ALPL: variants seen among roughly 807,000 people sequenced by gnomAD.
ALPL encodes the protein alkaline phosphatase, biomineralization associated, also known as alkaline phosphatase, tissue-nonspecific isozyme.
A neutral mutation model predicts 51.3 loss-of-function variants in ALPL; 42 were observed. The observed-to-expected ratio is 0.82, with a 90% CI of 0.64 to 1.06. ALPL has a LOEUF of 1.06. ALPL is among the 50% of genes least tolerant of loss of function. The probability of loss-of-function intolerance (pLI) is 0.00; values close to 1 mark genes in which losing one functional copy is unlikely to be tolerated. For missense variants in ALPL, 589 were observed against 709.4 expected, an observed-to-expected ratio of 0.83 and a Z score of 1.93; for synonymous variants, 279 against 296.4, an observed-to-expected ratio of 0.94 and a Z score of 0.60.
At position 21,564,238 on chromosome 1, in the gene ALPL, G is replaced by A. The variant is rs1644531576; in HGVS notation, c.648+22G>A. On this transcript the variant is annotated intron_variant, in intron 6 of 11. Transcript: ENST00000374840. The surrounding 1 kb of genome is among the most constrained non-coding windows in gnomAD (Gnocchi z 5.8). ...TGACGTGAGTGCTCGGGGGCAGCCG[G>A]GCAGGGACGGGGTGAGGCGGGGCCT... is the stretch of plus-strand genomic sequence containing the variant. 2.5e-6 allele frequency: 4 copies of A among 1,612,218 alleles called. No individual in the cohort carries two copies. Among genetic ancestry groups the A allele is most frequent in the Middle Eastern group, 3.3e-4 (2 of 6,072 alleles).
At chr1:21,558,268 G>T (rs997661245) in intron 2 of ALPL, among the ~76,000 whole-genome samples, 23 of 152,204 alleles carry the variant, frequency 1.5e-4, no homozygotes, top group African/African-American at 5.5e-4. Context: ...AACAGGTGTG[G>T]GGCGGGCTGA....
Position 21,570,239 on chromosome 1 carries a change from T to C in ALPL, c.793-66T>C, listed in dbSNP as rs1644626198. Reference sequence around the variant, plus strand: ...AGTAAAGGCCTCAGACTCTGATAGCTGCTGGGGTCAGTCCTTCCGACTCTC... The same window carrying C: ...AGTAAAGGCCTCAGACTCTGATAGCCGCTGGGGTCAGTCCTTCCGACTCTC... On this transcript the variant is annotated intron_variant, in intron 7 of 11. Transcript: ENST00000374840. The C allele has an allele frequency of 2.0e-6, 3 of 1,504,592 alleles. No homozygotes were observed. The Admixed American group carries it at 5.2e-5, about 26-fold the overall frequency. 93.2% of individuals were successfully genotyped at this position (1,504,592 alleles called of 1,614,324 possible). A position where few individuals can be genotyped will look rare whatever the true frequency, so the allele number is the denominator to read the frequency against.
chr1:21,571,134 A>G (rs1373809090), intron 8 of ALPL, among the ~76,000 whole-genome samples: 1 of 152,138 alleles, frequency 6.6e-6, no homozygotes, highest in Non-Finnish European at 1.5e-5. Context: ...GGTTTTGCTC[A>G]TGGATCTTAG....
rs1644649285 is a variant in ALPL, at chr1:21,571,613, A to C, written c.862+1239A>C. The stretch of plus-strand genomic sequence containing the variant: ...TATGAACCCGGGAGGCGGAGGTTAC[A>C]GTGAGCCAAGATCGCACCACTGCAC... On this transcript the variant is annotated intron_variant, in intron 8 of 11. Coordinates refer to ENST00000374840, the MANE Select transcript of ALPL (RefSeq NM_000478.6). Among the ~76,000 whole-genome samples the C allele has an allele frequency of 2.6e-5, 4 of 151,770 alleles. No individual in the cohort carries two copies. The South Asian group carries it at 8.3e-4, about 32-fold the overall frequency.
chr1:21,512,736 C>A (rs529169631), intron 1 of ALPL, among the ~76,000 whole-genome samples: 3 of 152,138 alleles, frequency 2.0e-5, no homozygotes, highest in Non-Finnish European at 4.4e-5. Flanking sequence ...TCCCAACCCC[C>A]CCGCCAACAC....
At chr1:21,545,260 C>T (rs1306185958) in intron 1 of ALPL, among the ~76,000 whole-genome samples, 2 of 152,002 alleles carry the variant, frequency 1.3e-5, no homozygotes, top group African/African-American at 2.4e-5. Context: ...GTGCCAATCA[C>T]CAAGTTTTGG....
chr1:21,533,935 AAAG>A (rs58697375), intron 1 of ALPL, among the ~76,000 whole-genome samples: 15,385 of 100,248 alleles, frequency 0.15, 1,125 homozygotes, highest in African/African-American at 0.29. Flanking sequence ...AAAAAAAAAA[AAAG>A]AAGAAGAAGA....
intron 1 of ALPL, among the ~76,000 whole-genome samples, chr1:21,549,390 T>C (rs923885974): frequency 1.3e-5 from 2 of 151,790 alleles, no homozygotes; most frequent in African/African-American, 4.8e-5. Context: ...ACTCAACATA[T>C]CCAAAAACAA....
At chr1:21,554,985 A>AC (rs1473338544) in intron 2 of ALPL, among the ~76,000 whole-genome samples, 1 of 147,676 alleles carries the variant, frequency 6.8e-6, no homozygotes, top group Non-Finnish European at 1.5e-5. Context: ...GAGTGAAGAG[A>AC]CCACCAAACA....
chr1:21,522,358 G>T (rs140556396), intron 1 of ALPL, among the ~76,000 whole-genome samples: 4 of 152,220 alleles, frequency 2.6e-5, no homozygotes, highest in African/African-American at 9.7e-5. Flanking sequence ...ACAGGCGTGA[G>T]CCACTGCACC....
At chr1:21,568,972 C>A (rs1210999269) in intron 7 of ALPL, among the ~76,000 whole-genome samples, 1 of 152,144 alleles carries the variant, frequency 6.6e-6, no homozygotes, top group Non-Finnish European at 1.5e-5. Flanking sequence ...TGACTGTGGT[C>A]AGGGCTGAAG....
chr1:21,552,212 G>A (rs1194173403), intron 1 of ALPL, among the ~76,000 whole-genome samples: 1 of 142,666 alleles, frequency 7.0e-6, no homozygotes, highest in Non-Finnish European at 1.5e-5. Context: ...GGATGGGCGC[G>A]GCAGCTCACA....
chr1:21,511,433 G>A (rs1043226744), intron 1 of ALPL, among the ~76,000 whole-genome samples: 1 of 152,210 alleles, frequency 6.6e-6, no homozygotes, highest in African/African-American at 2.4e-5. Flanking sequence ...GAATGCTTGC[G>A]AAGGGTTTAA....
At chr1:21,537,097 T>G (rs180840869) in intron 1 of ALPL, among the ~76,000 whole-genome samples, 32 of 152,054 alleles carry the variant, frequency 2.1e-4, no homozygotes, top group Non-Finnish European at 4.6e-4. Context: ...AGGGTTTCAC[T>G]GTGTTAGCCA....
chr1:21,512,640 G>A (rs1269566396), intron 1 of ALPL, among the ~76,000 whole-genome samples: 1 of 152,030 alleles, frequency 6.6e-6, no homozygotes, highest in African/African-American at 2.4e-5. Context: ...TGAGTGTCAA[G>A]CTCATAGGAG....
chr1:21,541,078 G>C (rs1467643932), intron 1 of ALPL, among the ~76,000 whole-genome samples: 1 of 152,216 alleles, frequency 6.6e-6, no homozygotes, highest in Non-Finnish European at 1.5e-5. Flanking sequence ...CAGCCATCCA[G>C]GTGAACAGGT....
intron 1 of ALPL, among the ~76,000 whole-genome samples, chr1:21,546,499 C>A (rs952852967): frequency 6.6e-6 from 1 of 152,176 alleles, no homozygotes; most frequent in East Asian, 1.9e-4. Context: ...TAACCACTCT[C>A]CTGACTTCAC....
chr1:21,575,586 C>G, intron 9 of ALPL, 147 bp from the exon 10 acceptor site: 2 of 943,918 alleles, frequency 2.1e-6, no homozygotes, highest in Non-Finnish European at 3.3e-6. Flanking sequence ...AATGCCTAGG[C>G]TGTGGTGCTA....
intron 1 of ALPL, among the ~76,000 whole-genome samples, chr1:21,537,978 A>G (rs1361724189): frequency 6.6e-6 from 1 of 152,088 alleles, no homozygotes; most frequent in African/African-American, 2.4e-5. Context: ...TTTTCTGTAC[A>G]CTGGGAGCAA....
Sources: allele counts gnomAD v4.1 joint callset (sites outside exome capture counted in the v4.1 genomes callset), GRCh38; gene constraint gnomAD v4.1.1; non-coding constraint Gnocchi (gnomAD v3.1); transcripts MANE v1.5; gene names NCBI Gene and HGNC (gene_info 2026-07-23, HGNC 2026-07-21).